The following SSBP2 variants were observed in gnomAD, a reference collection of about 807,000 sequenced individuals.
SSBP2 encodes the protein single-stranded DNA-binding protein 2.
SSBP2 carries 17 observed loss-of-function variants against 61.8 expected under a neutral mutation model. The observed-to-expected ratio is 0.28, with a 90% CI of 0.19 to 0.41. SSBP2 has a LOEUF of 0.41. Ranked by LOEUF, SSBP2 falls within the 10% of genes least tolerant of loss-of-function variation. The probability of loss-of-function intolerance (pLI) is 1.00; values close to 1 mark genes in which losing one functional copy is unlikely to be tolerated. For synonymous variants in SSBP2, 139 were observed against 141.3 expected, an observed-to-expected ratio of 0.98 and a Z score of 0.12; for missense variants, 310 against 458.7, an observed-to-expected ratio of 0.68 and a Z score of 2.96.
intron 1 of SSBP2, among the ~76,000 whole-genome samples, chr5:81,655,973 C>G (rs1177282020): frequency 6.6e-6 from 1 of 152,174 alleles, no homozygotes; most frequent in Non-Finnish European, 1.5e-5. Flanking sequence ...ACCCCACTTA[C>G]TCTTTACTTT....
chr5:81,668,105 G>A (rs904343642), intron 1 of SSBP2, among the ~76,000 whole-genome samples: 3 of 152,110 alleles, frequency 2.0e-5, no homozygotes, highest in Non-Finnish European at 4.4e-5. Flanking sequence ...TTCGTGCTGG[G>A]AGGACACAGT....
intron 2 of SSBP2, among the ~76,000 whole-genome samples, chr5:81,647,741 G>A (rs1346973341): frequency 6.6e-6 from 1 of 152,056 alleles, no homozygotes; most frequent in African/African-American, 2.4e-5. Flanking sequence ...CAGAGAAAAT[G>A]AAATAATGAC....
intron 6 of SSBP2, among the ~76,000 whole-genome samples, chr5:81,478,726 T>C (rs10056711): frequency 0.45 from 68,390 of 152,100 alleles, 19,591 homozygotes; most frequent in African/African-American, 0.82. Context: ...CTGCCTTGGC[T>C]TCCCAAAGCG....
intron 4 of SSBP2, among the ~76,000 whole-genome samples, chr5:81,548,639 T>C (rs1771933022): frequency 6.6e-6 from 1 of 152,158 alleles, no homozygotes; most frequent in South Asian, 2.1e-4. Flanking sequence ...ATGTACAATA[T>C]TGGCCAGGCA....
At chr5:81,455,999 A>T (rs1009298862) in intron 10 of SSBP2, among the ~76,000 whole-genome samples, 1 of 152,212 alleles carries the variant, frequency 6.6e-6, no homozygotes. Context: ...CCTTTCTTCA[A>T]CTGTGAAGTT....
chr5:81,684,857 G>A (rs1379565767), intron 1 of SSBP2, among the ~76,000 whole-genome samples: 1 of 152,072 alleles, frequency 6.6e-6, no homozygotes, highest in Non-Finnish European at 1.5e-5. Flanking sequence ...TATTGAGAAG[G>A]GATAATTGTA....
At chr5:81,633,739 G>T (rs1214923767) in intron 3 of SSBP2, among the ~76,000 whole-genome samples, 1 of 152,102 alleles carries the variant, frequency 6.6e-6, no homozygotes, top group Admixed American at 6.6e-5. Flanking sequence ...CACTTGGATG[G>T]TATGTATTTC....
intron 1 of SSBP2, among the ~76,000 whole-genome samples, chr5:81,733,474 G>A (rs35170856): frequency 0.11 from 17,317 of 151,574 alleles, 1,167 homozygotes; most frequent in Middle Eastern, 0.16. Context: ...CCACACAGAC[G>A]GAAACTCATT....
intron 1 of SSBP2, among the ~76,000 whole-genome samples, chr5:81,749,185 T>G (rs925833252): frequency 2.0e-5 from 3 of 152,244 alleles, no homozygotes; most frequent in African/African-American, 7.2e-5. Flanking sequence ...TTCTAGTAAC[T>G]GCCGTTTCTT....
At chr5:81,727,823 T>C (rs1466566737) in intron 1 of SSBP2, among the ~76,000 whole-genome samples, 2 of 152,180 alleles carry the variant, frequency 1.3e-5, no homozygotes, top group African/African-American at 4.8e-5. Flanking sequence ...TCATGGAGTT[T>C]AGAGTCTACT....
chr5:81,414,341 T>C lies in SSBP2; in HGVS notation c.*6163A>G, dbSNP rs1435967148. On this transcript the variant is annotated 3_prime_UTR_variant, in exon 17 of 17. Coordinates refer to ENST00000320672, the MANE Select transcript of SSBP2 (RefSeq NM_012446.5). The stretch of plus-strand genomic sequence containing the variant: ...TTAAAATATCTTACAGAAATCATTA[T>C]TCTTCTATTCAAGAAAACCAATTAT... The C allele has an allele frequency of 6.6e-6, 1 of 152,194 alleles. No homozygotes were observed. Among genetic ancestry groups the C allele is most frequent in the Non-Finnish European group, 1.5e-5 (1 of 68,010 alleles). 9.4% of individuals were successfully genotyped at this position (152,194 alleles called of 1,614,324 possible).
chr5:81,654,747 G>C (rs1271739224), intron 1 of SSBP2, among the ~76,000 whole-genome samples: 1 of 152,210 alleles, frequency 6.6e-6, no homozygotes, highest in Non-Finnish European at 1.5e-5. Context: ...GAACACAAAT[G>C]ATTCCGGCAG....
chr5:81,629,961 C>T (rs1308890727), intron 3 of SSBP2, among the ~76,000 whole-genome samples: 2 of 152,154 alleles, frequency 1.3e-5, no homozygotes, highest in Non-Finnish European at 2.9e-5. Context: ...AATTGTTTAT[C>T]TTTCCTGCTA....
intron 4 of SSBP2, among the ~76,000 whole-genome samples, chr5:81,540,645 T>C (rs1771192874): frequency 2.0e-5 from 3 of 152,228 alleles, no homozygotes; most frequent in Admixed American, 6.5e-5. Flanking sequence ...CTAAGGTATG[T>C]ACATTGTTTC....
At chr5:81,614,939 AT>A (rs1282486089) in intron 4 of SSBP2, 1 of 152,238 alleles carries the variant, frequency 6.6e-6, no homozygotes, top group Non-Finnish European at 1.5e-5. Context: ...AAAAAATTAC[AT>A]TTTCATTTTT....
intron 5 of SSBP2, among the ~76,000 whole-genome samples, chr5:81,501,601 G>C (rs184636186): frequency 0.025 from 2,953 of 120,158 alleles, 69 homozygotes; most frequent in South Asian, 0.095. Flanking sequence ...CTCACTCTGT[G>C]GCCCAGGCTG....
intron 4 of SSBP2, among the ~76,000 whole-genome samples, chr5:81,519,005 A>G (rs2154091302): frequency 6.6e-6 from 1 of 152,228 alleles, no homozygotes; most frequent in African/African-American, 2.4e-5. Flanking sequence ...ATATTTGGTA[A>G]TATTTTATGT....
At chr5:81,595,141 A>C (rs1743580384) in intron 4 of SSBP2, among the ~76,000 whole-genome samples, 1 of 152,322 alleles carries the variant, frequency 6.6e-6, no homozygotes, top group East Asian at 1.9e-4. Context: ...AGACGCAATA[A>C]AAAATGATAA....
At chr5:81,690,877 C>T (rs1258078212) in intron 1 of SSBP2, among the ~76,000 whole-genome samples, 1 of 152,012 alleles carries the variant, frequency 6.6e-6, no homozygotes, top group Non-Finnish European at 1.5e-5. Context: ...ACTTCTTTGA[C>T]CACAATGAAA....
Sources: gnomAD v4.1 joint callset for allele counts (sites outside exome capture counted in the v4.1 genomes callset) on GRCh38, gnomAD v4.1.1 for gene constraint, MANE v1.5 for transcripts, NCBI Gene and HGNC (gene_info 2026-07-23, HGNC 2026-07-21) for gene names.